ACTR6: variants seen among roughly 807,000 people sequenced by gnomAD.
ACTR6 encodes actin related protein 6, also known as actin-related protein 6.
In ACTR6, 50 loss-of-function variants were observed where a neutral mutation model predicts 52.5. The ratio of observed to expected loss-of-function variants is 0.95; its 90% CI spans 0.76 to 1.20. ACTR6 has a LOEUF of 1.20. Among genes scored for constraint, ACTR6 ranks in the 50% most tolerant of loss-of-function variants. The pLI is 0.00. For missense variants in ACTR6, 344 were observed against 472.4 expected (o/e 0.73, Z 2.52); for synonymous variants, 135 against 147.2 (o/e 0.92, Z 0.60).
Position 100,218,591 on chromosome 12 carries a change from A to G in ACTR6, c.922+5A>G. 6.8e-7 allele frequency: 1 copy of G among 1,471,784 alleles called. No individual in the cohort carries two copies. The highest frequency in any genetic ancestry group is 2.2e-5 in the Admixed American group (1 of 44,650). 91.2% of individuals were successfully genotyped at this position (1,471,784 alleles called of 1,614,324 possible). ...CAATTCAAAATCTACCTGAAGGTACATAAATAGAGTAAAATACTAAAGAAT... is the reference window on the plus strand; with the variant it reads ...CAATTCAAAATCTACCTGAAGGTACGTAAATAGAGTAAAATACTAAAGAAT... On this transcript the variant is annotated splice_donor_5th_base_variant and intron_variant, in intron 9 of 10. Coordinates refer to ENST00000188312, the MANE Select transcript of ACTR6 (RefSeq NM_022496.5). This position sits in a 1 kb window ranked among gnomAD's most constrained non-coding sequence, Gnocchi z 4.2.
intron 1 of ACTR6, among the ~76,000 whole-genome samples, chr12:100,201,585 AAG>A (rs2096109720): frequency 6.6e-6 from 1 of 152,220 alleles, no homozygotes. Context: ...ACAGAAATGA[AAG>A]AGGGAAATCA....
chr12:100,210,876 C>T (rs1043843536), intron 6 of ACTR6, among the ~76,000 whole-genome samples: 9 of 152,086 alleles, frequency 5.9e-5, no homozygotes, highest in African/African-American at 2.2e-4. Context: ...CCCTTTGCTC[C>T]CCTATGTGCC....
In ACTR6 at chr12:100,223,857, C is replaced by T; in HGVS notation, c.1133C>T (p.Thr378Ile). Residue 378 changes from threonine (T) to isoleucine (I), a missense_variant, in exon 11 of 11, where the codon ACA becomes ATA. Coordinates refer to ENST00000188312, the MANE Select transcript of ACTR6 (RefSeq NM_022496.5). Reference protein sequence around the residue: ...ENDDFEDMVVTREDYEENGHS... With the variant: ...ENDDFEDMVVIREDYEENGHS... ...GATGATTTTGAAGATATGGTGGTAA[C>T]AAGAGAAGATTACGAAGAAAATGGA... The T allele has an allele frequency of 1.9e-6, 3 of 1,611,388 alleles. No homozygotes were observed. The highest frequency in any genetic ancestry group is 2.5e-6 in the Non-Finnish European group (3 of 1,179,222).
chr12:100,203,036 G>A (rs955265997), intron 1 of ACTR6, among the ~76,000 whole-genome samples: 3 of 152,136 alleles, frequency 2.0e-5, no homozygotes, highest in African/African-American at 4.8e-5. Flanking sequence ...CAAAAAAAGT[G>A]CACAAACTAT....
At chr12:100,208,671 C>T (rs183257054) in intron 4 of ACTR6, 2 of 455,134 alleles carry the variant, frequency 4.4e-6, no homozygotes, top group East Asian at 7.0e-5. Flanking sequence ...AGTTACTGGC[C>T]ACATATTTCT....
At chr12:100,215,644 G>C (rs1366295450) in intron 8 of ACTR6, among the ~76,000 whole-genome samples, 1 of 152,198 alleles carries the variant, frequency 6.6e-6, no homozygotes, top group East Asian at 1.9e-4. Flanking sequence ...AGATGATACA[G>C]TGTTACCGCA....
In ACTR6 at chr12:100,207,655, TC is replaced by T. The variant is rs754725550; in HGVS notation, c.256-6del. 6.9e-7 allele frequency: 1 copy of T among 1,452,546 alleles called. No individual in the cohort carries two copies. The highest frequency in any genetic ancestry group is 1.4e-5 in the South Asian group (1 of 72,292). 90.0% of individuals were successfully genotyped at this position (1,452,546 alleles called of 1,614,324 possible). A position where few individuals can be genotyped will look rare whatever the true frequency, so the allele number is the denominator to read the frequency against. ...TTATGAAACATTTTGGAATGTTTTC[TC>T]CTATAGGTTGATTTTTTAGATACTA... On this transcript the variant is annotated splice_polypyrimidine_tract_variant and splice_region_variant and intron_variant, in intron 3 of 10. Coordinates refer to ENST00000188312, the MANE Select transcript of ACTR6 (RefSeq NM_022496.5).
chr12:100,212,159 A>C (rs1335039891), intron 6 of ACTR6, 97 bp from the exon 7 acceptor site: 1 of 803,116 alleles, frequency 1.2e-6, no homozygotes, highest in Admixed American at 2.7e-5. Flanking sequence ...TCAAAAAATC[A>C]GTTACCTGAA....
chr12:100,207,585 AAATTT>A, intron 3 of ACTR6, 73 bp from the exon 4 acceptor site: 1 of 1,240,686 alleles, frequency 8.1e-7, no homozygotes, highest in Non-Finnish European at 1.1e-6. Context: ...AGGATTAAAT[AAATTT>A]GTTTGTACAT....
At chr12:100,221,169 C>A (rs1592850078) in intron 10 of ACTR6, among the ~76,000 whole-genome samples, 1 of 152,008 alleles carries the variant, frequency 6.6e-6, no homozygotes, top group Non-Finnish European at 1.5e-5. Flanking sequence ...AGATTAAAAC[C>A]CAGTTTTCTT....
Position 100,210,371 on chromosome 12 carries a change from C to A in ACTR6, c.572+20C>A. 6.2e-7 allele frequency: 1 copy of A among 1,610,582 alleles called. No individual in the cohort carries two copies. The highest frequency in any genetic ancestry group is 8.5e-7 in the Non-Finnish European group (1 of 1,177,468). On this transcript the variant is annotated intron_variant, in intron 6 of 10. Coordinates refer to ENST00000188312, the MANE Select transcript of ACTR6 (RefSeq NM_022496.5). ...TTACAGGTGATGCTTAGCTTTGATT[C>A]TTTGGGAGGATGGGGCTCTGGGGAG... is the stretch of plus-strand genomic sequence containing the variant.
intron 10 of ACTR6, among the ~76,000 whole-genome samples, chr12:100,222,788 T>C (rs1021539364): frequency 6.6e-6 from 1 of 152,164 alleles, no homozygotes; most frequent in African/African-American, 2.4e-5. Context: ...CAGAATTGAG[T>C]CATAACACAT....
At chr12:100,217,712 T>C (rs1455839317) in intron 8 of ACTR6, among the ~76,000 whole-genome samples, 1 of 152,160 alleles carries the variant, frequency 6.6e-6, no homozygotes, top group Non-Finnish European at 1.5e-5. Flanking sequence ...ATGGACTTGC[T>C]TACATCATTT....
intron 4 of ACTR6, chr12:100,208,838 C>T: frequency 2.2e-6 from 1 of 452,806 alleles, no homozygotes. Flanking sequence ...CCTCCACCTC[C>T]TGGGCTCAAG....
intron 8 of ACTR6, 53 bp downstream of exon 8, chr12:100,212,581 C>T: frequency 7.2e-6 from 10 of 1,385,686 alleles, no homozygotes; most frequent in Non-Finnish European, 1.0e-5. Context: ...GTCTATAATC[C>T]CAGCACTTGG....
At chr12:100,205,535 C>T (rs895341054) in intron 2 of ACTR6, 141 bp from the exon 3 acceptor site, 3 of 518,474 alleles carry the variant, frequency 5.8e-6, no homozygotes, top group Non-Finnish European at 6.5e-6. Flanking sequence ...ATTCATACAG[C>T]ATTACACTGG....
At position 100,212,541 on chromosome 12, in the gene ACTR6, A is replaced by G; in HGVS notation, c.750+13A>G. On this transcript the variant is annotated intron_variant, in intron 8 of 10. Transcript: ENST00000188312. ...GGGCTTTTGTAAGGTAATTTTTAAA[A>G]ACCATCAATGGTTGGTTGCTGCGGC... The G allele has an allele frequency of 6.3e-7, 1 of 1,599,266 alleles. No individual in the cohort carries two copies. The highest frequency in any genetic ancestry group is 8.6e-7 in the Non-Finnish European group (1 of 1,166,554).
chr12:100,210,733 A>G (rs1160531271), intron 6 of ACTR6, among the ~76,000 whole-genome samples: 1 of 152,116 alleles, frequency 6.6e-6, no homozygotes, highest in Non-Finnish European at 1.5e-5. Context: ...AAAAAAAAAA[A>G]AAATTGTAAA....
intron 8 of ACTR6, among the ~76,000 whole-genome samples, chr12:100,213,910 A>G (rs1023750541): frequency 1.1e-4 from 16 of 152,352 alleles, no homozygotes; most frequent in Admixed American, 1.0e-3. Flanking sequence ...GGAGACATTT[A>G]TGATAATATT....
Sources: gnomAD v4.1 joint callset for allele counts (sites outside exome capture counted in the v4.1 genomes callset) on GRCh38, gnomAD v4.1.1 for gene constraint, Gnocchi (gnomAD v3.1) non-coding constraint, MANE v1.5 for transcripts, NCBI Gene and HGNC (gene_info 2026-07-23, HGNC 2026-07-21) for gene names.